Variants in ERBIN observed in about 807,000 individuals in gnomAD.
The protein encoded by ERBIN is densin-180-like protein.
A neutral mutation model predicts 158.4 loss-of-function variants in ERBIN; 60 were observed. That is an observed-to-expected ratio of 0.38 (90% CI 0.31 to 0.47). ERBIN has a LOEUF of 0.47. Among genes scored for constraint, ERBIN ranks in the 20% least tolerant of loss-of-function variants. The pLI is 0.99. For synonymous variants in ERBIN, 594 were observed against 557.2 expected (o/e 1.07, Z -0.93); for missense variants, 1,610 against 1,648.0 (o/e 0.98, Z 0.40).
At chr5:66,019,958 T>C (rs1755512725) in intron 7 of ERBIN, among the ~76,000 whole-genome samples, 1 of 152,114 alleles carries the variant, frequency 6.6e-6, no homozygotes, top group Admixed American at 6.5e-5. Context: ...TATTTGAACA[T>C]AGGAAATTAT....
At chr5:65,936,249 C>A (rs947454234) in intron 1 of ERBIN, among the ~76,000 whole-genome samples, 22 of 152,204 alleles carry the variant, frequency 1.4e-4, no homozygotes, top group African/African-American at 5.1e-4. Context: ...CCAAGGTTAT[C>A]ACACAACCTA....
At chr5:65,985,874 C>T (rs1332785088) in intron 1 of ERBIN, among the ~76,000 whole-genome samples, 1 of 152,168 alleles carries the variant, frequency 6.6e-6, no homozygotes, top group African/African-American at 2.4e-5. Context: ...CACATTAATA[C>T]ACAGTGGCCA....
intron 8 of ERBIN, among the ~76,000 whole-genome samples, chr5:66,021,861 G>GCT (rs1208751566): frequency 6.6e-6 from 1 of 152,060 alleles, no homozygotes; most frequent in Non-Finnish European, 1.5e-5. Flanking sequence ...TTTTGTTTGT[G>GCT]CTTTGTATGC....
chr5:65,947,574 T>A (rs1038172686), intron 1 of ERBIN, among the ~76,000 whole-genome samples: 1 of 152,222 alleles, frequency 6.6e-6, no homozygotes, highest in African/African-American at 2.4e-5. Flanking sequence ...AGAAATACAT[T>A]ACTTTTAAGT....
chr5:65,927,321 C>A (rs1003913527), intron 1 of ERBIN, among the ~76,000 whole-genome samples: 2 of 152,086 alleles, frequency 1.3e-5, no homozygotes, highest in Non-Finnish European at 2.9e-5. Flanking sequence ...CAACCCTGAT[C>A]AGTATATTTA....
rs759308582 is a variant in ERBIN, at chr5:66,054,786, T to C, written c.3468T>C (p.Thr1156=). 2 of 1,613,960 alleles carry C rather than the reference T, an allele frequency of 1.2e-6. No individual in the cohort carries two copies. Among genetic ancestry groups the C allele is most frequent in the Non-Finnish European group, 1.7e-6 (2 of 1,179,986 alleles). ...CTATTAATGAAATACCAGAGAGAAC[T>C]ATGTCAGTTAGTGATTTCAATTATT... The part of the protein sequence containing the change: ...RPSINEIPER[T]MSVSDFNYSR... The change falls in exon 21 of 26, where the codon ACT becomes ACC. Residue 1156 remains threonine, a synonymous_variant. Transcript: ENST00000284037.
rs1053304223 is a variant in ERBIN, at chr5:65,958,277, G to T, written c.-57-30358G>T. 3.2e-4 allele frequency among the ~76,000 whole-genome samples: 49 copies of T among 152,244 alleles called. 1 individual carries two copies. The highest frequency in any genetic ancestry group is 4.6e-4 in the Non-Finnish European group (31 of 67,996). On this transcript the variant is annotated intron_variant, in intron 1 of 25. Transcript: ENST00000284037. ...GGGAGGCCAAGGCAGGCGGCTGGGA[G>T]GTGGAGGTTGTCGCAAGCCGAGATC... is the stretch of plus-strand genomic sequence containing the variant.
chr5:65,948,531 T>C (rs550381489), intron 1 of ERBIN, among the ~76,000 whole-genome samples: 60 of 152,114 alleles, frequency 3.9e-4, no homozygotes, highest in South Asian at 3.7e-3. Context: ...TACAAAACGC[T>C]CAGGGAAGAT....
At chr5:65,960,057 T>C (rs1747741626) in intron 1 of ERBIN, among the ~76,000 whole-genome samples, 1 of 152,246 alleles carries the variant, frequency 6.6e-6, no homozygotes, top group Admixed American at 6.5e-5. Flanking sequence ...ATAACAGCTT[T>C]AATAGTCCAC....
intron 1 of ERBIN, among the ~76,000 whole-genome samples, chr5:65,982,680 A>AGACTG (rs4019045): frequency 0.81 from 123,574 of 151,672 alleles, 50,825 homozygotes; most frequent in Non-Finnish European, 0.86. Context: ...AAATTAAGAA[A>AGACTG]ACAGTACCAA....
chr5:66,006,692 T>G (rs1028082148), intron 4 of ERBIN, among the ~76,000 whole-genome samples: 23 of 151,442 alleles, frequency 1.5e-4, no homozygotes, highest in African/African-American at 2.2e-4. Flanking sequence ...CAAACAAATT[T>G]ACAAGAAAAA....
Position 66,075,090 on chromosome 5 carries a change from C to T in ERBIN, c.3823C>T (p.His1275Tyr). 5 of 1,614,130 alleles carry T rather than the reference C, an allele frequency of 3.1e-6. No homozygotes were observed. Among genetic ancestry groups the T allele is most frequent in the Non-Finnish European group, 4.2e-6 (5 of 1,180,010 alleles). ...RPQANYSQIHHPPQASVARHP... is the reference protein window; with the variant it reads ...RPQANYSQIHYPPQASVARHP... ...TCAGGCAAATTATAGTCAAATACAT[C>T]ACCCCCCTCAGGCATCTGTGGCAAG... is the stretch of plus-strand genomic sequence containing the variant. Residue 1275 changes from histidine to tyrosine, a missense_variant, in exon 23 of 26, where the codon CAC becomes TAC. Coordinates refer to ENST00000284037, the MANE Select transcript of ERBIN (RefSeq NM_001253697.2).
At chr5:66,006,528 C>A (rs983890815) in intron 4 of ERBIN, among the ~76,000 whole-genome samples, 2 of 152,030 alleles carry the variant, frequency 1.3e-5, no homozygotes, top group Non-Finnish European at 1.5e-5. Context: ...ACAACAAAAG[C>A]CAAAATTGAC....
intron 4 of ERBIN, among the ~76,000 whole-genome samples, chr5:66,006,656 C>A (rs1035139171): frequency 2.6e-5 from 4 of 151,768 alleles, no homozygotes; most frequent in African/African-American, 9.7e-5. Context: ...TGACAAAGGG[C>A]TAATATCCAG....
chr5:65,957,967 C>T (rs1448130598), intron 1 of ERBIN, among the ~76,000 whole-genome samples: 1 of 150,498 alleles, frequency 6.6e-6, no homozygotes, highest in Non-Finnish European at 1.5e-5. Context: ...GGAGGGGCTC[C>T]TCACCTCCCA....
At chr5:66,049,873 C>G (rs542279229) in intron 19 of ERBIN, among the ~76,000 whole-genome samples, 1 of 152,164 alleles carries the variant, frequency 6.6e-6, no homozygotes, top group South Asian at 2.1e-4. Context: ...TGTTTCTGTT[C>G]ATGTAATTGC....
Position 65,944,193 on chromosome 5 carries a change from C to G in ERBIN, c.-58+17387C>G, listed in dbSNP as rs904622837. Among the ~76,000 whole-genome samples the G allele has an allele frequency of 1.2e-4, 16 of 137,928 alleles. No individual in the cohort carries two copies. The South Asian group carries it at 1.9e-3, about 16-fold the overall frequency. 90.5% of individuals were successfully genotyped at this position (137,928 alleles called of 152,430 possible). On this transcript the variant is annotated intron_variant, in intron 1 of 25. Coordinates refer to ENST00000284037, the MANE Select transcript of ERBIN (RefSeq NM_001253697.2). ...GGAATTGCTGGCTCATATGGTAATT[C>G]TGTGTTTAGTATTTTTTTTTTTTTT...
intron 1 of ERBIN, among the ~76,000 whole-genome samples, chr5:65,947,116 A>T (rs1745857354): frequency 1.3e-5 from 2 of 152,098 alleles, no homozygotes; most frequent in Non-Finnish European, 2.9e-5. Context: ...AATCCCATTT[A>T]TTATTCTTTT....
chr5:65,980,356 A>G (rs1448081115), intron 1 of ERBIN, among the ~76,000 whole-genome samples: 1 of 152,138 alleles, frequency 6.6e-6, no homozygotes, highest in Non-Finnish European at 1.5e-5. Flanking sequence ...TGAACCTGGG[A>G]GGTGGAGGTT....
Sources: allele counts gnomAD v4.1 joint callset (sites outside exome capture counted in the v4.1 genomes callset), GRCh38; gene constraint gnomAD v4.1.1; transcripts MANE v1.5; gene names NCBI Gene and HGNC (gene_info 2026-07-23, HGNC 2026-07-21).